The following USH2A variants were observed in gnomAD, a reference collection of about 807,000 sequenced individuals.
USH2A encodes the protein usherin.
Under a neutral mutation model 538.9 loss-of-function variants are expected in USH2A, and 443 were observed. That is an observed-to-expected ratio of 0.82 (90% CI 0.76 to 0.89). The LOEUF is 0.89. Among genes scored for constraint, USH2A ranks in the 40% least tolerant of loss-of-function variants. USH2A has a pLI of 0.00. For synonymous variants in USH2A, 2,413 were observed against 2,273.5 expected (o/e 1.06, Z -1.75); for missense variants, 6,633 against 6,324.8 (o/e 1.05, Z -1.65).
rs753795313 is a variant in USH2A at position 215,674,174 on chromosome 1, G to T, written c.13737C>A (p.Ile4579=). The T allele has an allele frequency of 5.0e-6, 8 of 1,613,980 alleles. No homozygotes were observed. Among genetic ancestry groups the T allele is most frequent in the African/African-American group, 2.7e-5 (2 of 74,908 alleles). Residue 4579 remains isoleucine, a synonymous_variant, in exon 63 of 72, where the codon ATC becomes ATA. Transcript: ENST00000307340. ...IRELFERETK[I]IHINTTHNSF... is the part of the protein sequence containing the mutation. Reference sequence around the variant, plus strand: ...AATTATGAGTTGTGTTTATGTGTATGATTTTAGTTTCTCTTTCAAATAGTT... The same window carrying T: ...AATTATGAGTTGTGTTTATGTGTATTATTTTAGTTTCTCTTTCAAATAGTT...
intron 63 of USH2A, 38 bp downstream of exon 63, chr1:215,674,062 G>A (rs368378637): frequency 5.6e-6 from 9 of 1,613,494 alleles, no homozygotes; most frequent in Non-Finnish European, 7.6e-6. Flanking sequence ...AAGGTCAGCA[G>A]TGGCTTACTC....
chr1:216,094,108 G>T (rs989099569), intron 22 of USH2A, among the ~76,000 whole-genome samples: 2 of 152,096 alleles, frequency 1.3e-5, no homozygotes, highest in Non-Finnish European at 2.9e-5. Flanking sequence ...ATACTAACAG[G>T]TTGAAGGGGA....
At chr1:215,695,399 A>G (rs1397322044) in intron 61 of USH2A, among the ~76,000 whole-genome samples, 1 of 152,238 alleles carries the variant, frequency 6.6e-6, no homozygotes, top group African/African-American at 2.4e-5. Flanking sequence ...ATGATTATTA[A>G]CTACCTAAAA....
At chr1:215,650,504 A>G in intron 65 of USH2A, 88 bp downstream of exon 65, 2 of 1,483,610 alleles carry the variant, frequency 1.3e-6, no homozygotes, top group Non-Finnish European at 9.3e-7. Flanking sequence ...AGAAAGATGG[A>G]GGGAAAAACA....
At chr1:215,774,132 T>G (rs1177650811) in intron 55 of USH2A, among the ~76,000 whole-genome samples, 1 of 152,124 alleles carries the variant, frequency 6.6e-6, no homozygotes, top group African/African-American at 2.4e-5. Flanking sequence ...TGCTACCTCA[T>G]ATGAACTGAA....
intron 21 of USH2A, among the ~76,000 whole-genome samples, chr1:216,167,995 C>T (rs1201061523): frequency 6.6e-6 from 1 of 152,116 alleles, no homozygotes; most frequent in Non-Finnish European, 1.5e-5. Flanking sequence ...TAGAAAGGAA[C>T]TTAATCTATA....
rs1655967999 is a variant in USH2A, at chr1:215,625,113, T to C, written c.*668A>G. The C allele has an allele frequency of 6.6e-6, 1 of 152,452 alleles. No homozygotes were observed. Among genetic ancestry groups the C allele is most frequent in the Non-Finnish European group, 1.5e-5 (1 of 68,206 alleles). The allele number at this position is 152,452 out of a possible 1,614,324, so 9.4% of individuals were successfully genotyped here. On this transcript the variant is annotated 3_prime_UTR_variant, in exon 72 of 72. Coordinates refer to ENST00000307340, the MANE Select transcript of USH2A (RefSeq NM_206933.4). The stretch of plus-strand genomic sequence containing the variant: ...CTTAGATTTTTGGAAAATTCATAAA[T>C]GCAAGAACAGAGACATTTATGTGTA...
At chr1:215,977,125 C>A (rs1390223797) in intron 35 of USH2A, among the ~76,000 whole-genome samples, 1 of 151,788 alleles carries the variant, frequency 6.6e-6, no homozygotes, top group Non-Finnish European at 1.5e-5. Context: ...AGAGAAAATT[C>A]TTAGAAACAA....
At chr1:215,701,048 C>T (rs1658998848) in intron 61 of USH2A, among the ~76,000 whole-genome samples, 1 of 152,258 alleles carries the variant, frequency 6.6e-6, no homozygotes, top group Non-Finnish European at 1.5e-5. Context: ...TGTATTTTTG[C>T]TTTAATTTCA....
At chr1:216,101,930 T>C (rs2032590853) in intron 21 of USH2A, among the ~76,000 whole-genome samples, 1 of 152,218 alleles carries the variant, frequency 6.6e-6, no homozygotes, top group Non-Finnish European at 1.5e-5. Context: ...AATATTTAAC[T>C]TTCAAGTAAG....
chr1:215,797,075 T>G (rs1662162836), intron 50 of USH2A, among the ~76,000 whole-genome samples: 1 of 152,162 alleles, frequency 6.6e-6, no homozygotes. Flanking sequence ...GCCTTATTGC[T>G]GATATGAAGA....
At chr1:216,282,460 C>T (rs766697152) in intron 11 of USH2A, among the ~76,000 whole-genome samples, 34 of 152,110 alleles carry the variant, frequency 2.2e-4, no homozygotes, top group Admixed American at 8.5e-4. Flanking sequence ...CACAATTGTC[C>T]CAGGACCATT....
chr1:216,323,338 C>T (rs2037655622), intron 8 of USH2A, 136 bp downstream of exon 8: 2 of 664,702 alleles, frequency 3.0e-6, no homozygotes, highest in Admixed American at 2.3e-5. Context: ...ACATACAGAT[C>T]TTCCCCTAAA....
intron 3 of USH2A, among the ~76,000 whole-genome samples, chr1:216,381,504 T>C (rs1261508342): frequency 1.3e-5 from 2 of 151,978 alleles, no homozygotes; most frequent in Non-Finnish European, 2.9e-5. Context: ...GACAAAGTAA[T>C]CAACAATACT....
At chr1:216,379,429 A>T (rs2038892810) in intron 3 of USH2A, among the ~76,000 whole-genome samples, 1 of 152,164 alleles carries the variant, frequency 6.6e-6, no homozygotes, top group Non-Finnish European at 1.5e-5. Flanking sequence ...TAATCAGATT[A>T]AAACTGTAAA....
chr1:215,801,627 A>G (rs1332380893), intron 49 of USH2A, among the ~76,000 whole-genome samples: 2 of 152,162 alleles, frequency 1.3e-5, no homozygotes, highest in Non-Finnish European at 2.9e-5. Context: ...AAGAAATTAA[A>G]GAAGATAACC....
At chr1:215,906,567 A>G (rs1665645043) in intron 38 of USH2A, among the ~76,000 whole-genome samples, 1 of 152,064 alleles carries the variant, frequency 6.6e-6, no homozygotes, top group Non-Finnish European at 1.5e-5. Context: ...TCTATATAAA[A>G]GCAAACCATT....
chr1:215,828,428 G>A (rs1314005244), intron 47 of USH2A, among the ~76,000 whole-genome samples: 2 of 152,094 alleles, frequency 1.3e-5, no homozygotes, highest in East Asian at 3.9e-4. Flanking sequence ...GTGACAGAAC[G>A]AGATCCTGTC....
chr1:216,024,180 AAAAAC>A (rs1668909588), intron 32 of USH2A, among the ~76,000 whole-genome samples: 1 of 152,130 alleles, frequency 6.6e-6, no homozygotes, highest in Non-Finnish European at 1.5e-5. Flanking sequence ...AAAATGAAAC[AAAAAC>A]AAAACAAAAG....
Sources: allele counts gnomAD v4.1 joint callset (sites outside exome capture counted in the v4.1 genomes callset), GRCh38; gene constraint gnomAD v4.1.1; transcripts MANE v1.5; gene names NCBI Gene and HGNC (gene_info 2026-07-23, HGNC 2026-07-21).